ZNF536: variants seen among roughly 807,000 people sequenced by gnomAD.
ZNF536 encodes the protein zinc finger protein 536.
ZNF536 carries 13 observed loss-of-function variants against 84.5 expected under a neutral mutation model. The observed-to-expected ratio is 0.15, with a 90% CI of 0.10 to 0.24. The LOEUF (loss-of-function observed/expected upper bound fraction) is 0.24, where lower values mean the gene tolerates loss of function less well. Among genes scored for constraint, ZNF536 ranks in the 10% least tolerant of loss-of-function variants. ZNF536 has a pLI of 1.00. For synonymous variants in ZNF536, 811 were observed against 742.5 expected, an observed-to-expected ratio of 1.09 and a Z score of -1.50; for missense variants, 1,536 against 1,747.5, an observed-to-expected ratio of 0.88 and a Z score of 2.16.
chr19:30,484,877 C>T (rs555692205), intron 2 of ZNF536, among the ~76,000 whole-genome samples: 38 of 152,092 alleles, frequency 2.5e-4, no homozygotes, highest in African/African-American at 8.7e-4. Context: ...GGCGCGGTGG[C>T]TCACGCCTGT....
At chr19:30,602,072 A>T (rs1213897919) in intron 1 of ZNF536, among the ~76,000 whole-genome samples, 1 of 152,230 alleles carries the variant, frequency 6.6e-6, no homozygotes, top group Non-Finnish European at 1.5e-5. Context: ...GAAAAGCTTC[A>T]GTCCACCCAT....
At chr19:30,524,120 C>A (rs10409973) in intron 2 of ZNF536, among the ~76,000 whole-genome samples, 10 of 152,162 alleles carry the variant, frequency 6.6e-5, no homozygotes, top group Non-Finnish European at 8.8e-5. Context: ...CTCCATGCCG[C>A]CCTAATAGAT....
chr19:30,402,322 T>A (rs112451392), intron 1 of ZNF536, among the ~76,000 whole-genome samples: 5 of 151,816 alleles, frequency 3.3e-5, no homozygotes, highest in African/African-American at 1.2e-4. Flanking sequence ...AGCAATATAG[T>A]GGAGGGGAAA....
intron 2 of ZNF536, among the ~76,000 whole-genome samples, chr19:30,507,386 G>A (rs929748038): frequency 1.9e-4 from 29 of 151,974 alleles, no homozygotes; most frequent in Admixed American, 1.8e-3. Flanking sequence ...AAAAAACTGG[G>A]AAACTTGAGC....
intron 1 of ZNF536, among the ~76,000 whole-genome samples, chr19:30,283,337 C>T (rs1017343353): frequency 6.6e-6 from 1 of 152,158 alleles, no homozygotes. Flanking sequence ...TACCCCCTAG[C>T]CAGCAGCTCT....
At chr19:30,513,031 A>AT (rs60036567) in intron 2 of ZNF536, among the ~76,000 whole-genome samples, 17 of 151,526 alleles carry the variant, frequency 1.1e-4, no homozygotes, top group Non-Finnish European at 1.3e-4. Context: ...ATCATATTTT[A>AT]TTTTTTTTTC....
At position 30,509,413 on chromosome 19, in the gene ZNF536, T is replaced by C. The variant is rs1199668056; in HGVS notation, c.2171-25434T>C. Among the ~76,000 whole-genome samples, 6 of 147,202 alleles carry C rather than the reference T, an allele frequency of 4.1e-5. No individual in the cohort carries two copies. The East Asian group carries it at 1.2e-3, about 29-fold the overall frequency. On this transcript the variant is annotated intron_variant, in intron 2 of 4. Transcript: ENST00000355537. ...TCTTATACATACATAATTATATGTATAACATATTATAATATATAATGTATG... is the reference window on the plus strand; with the variant it reads ...TCTTATACATACATAATTATATGTACAACATATTATAATATATAATGTATG...
intron 3 of ZNF536, among the ~76,000 whole-genome samples, chr19:30,359,023 C>G (rs963702540): frequency 2.6e-5 from 4 of 152,154 alleles, no homozygotes; most frequent in African/African-American, 4.8e-5. Flanking sequence ...GCCGGCCCAT[C>G]AAAAGGGACC....
At chr19:30,239,221 C>T (rs2023761149) in intron 1 of ZNF536, among the ~76,000 whole-genome samples, 1 of 152,198 alleles carries the variant, frequency 6.6e-6, no homozygotes, top group South Asian at 2.1e-4. Context: ...CTGTCAATGA[C>T]CCTCTAGCAT....
chr19:30,226,673 GAAATAAAT>G (rs891616019), upstream of ZNF536, among the ~76,000 whole-genome samples: 2 of 152,116 alleles, frequency 1.3e-5, no homozygotes, highest in Non-Finnish European at 1.5e-5. The surrounding 1 kb of genome is among the most constrained non-coding windows in gnomAD (Gnocchi z 4.6). Flanking sequence ...GGCCAAAGAG[GAAATAAAT>G]AAATAAATAA....
intron 2 of ZNF536, among the ~76,000 whole-genome samples, chr19:30,337,128 T>C (rs1169199408): frequency 6.6e-6 from 1 of 152,106 alleles, no homozygotes; most frequent in Admixed American, 6.5e-5. Flanking sequence ...ACCCCGGAGT[T>C]AGTCACTTTC....
At chr19:30,325,256 A>G (rs1600226363) in intron 2 of ZNF536, among the ~76,000 whole-genome samples, 1 of 152,142 alleles carries the variant, frequency 6.6e-6, no homozygotes, top group South Asian at 2.1e-4. Flanking sequence ...CTCTAGTTAG[A>G]GGCGATTTGC....
intron 2 of ZNF536, among the ~76,000 whole-genome samples, chr19:30,469,260 A>G (rs1214747347): frequency 6.6e-6 from 1 of 152,096 alleles, no homozygotes. Context: ...TAAAAGCACA[A>G]AAAATTAGCC....
chr19:30,397,839 G>A (rs1045992564), intron 1 of ZNF536, among the ~76,000 whole-genome samples: 20 of 152,302 alleles, frequency 1.3e-4, no homozygotes, highest in African/African-American at 4.6e-4. Context: ...ATAGGCATGA[G>A]AGAGATAGAA....
intron 1 of ZNF536, among the ~76,000 whole-genome samples, chr19:30,423,847 G>A (rs1336034121): frequency 6.6e-6 from 1 of 152,136 alleles, no homozygotes; most frequent in East Asian, 1.9e-4. Flanking sequence ...AGGGAGGTGG[G>A]GGCAGGTGGG....
At chr19:30,662,144 C>T (rs375291964) in intron 1 of ZNF536, among the ~76,000 whole-genome samples, 42 of 152,292 alleles carry the variant, frequency 2.8e-4, no homozygotes, top group Middle Eastern at 3.4e-3. Flanking sequence ...TTCTGCCTCC[C>T]GGCTCCCGGA....
intron 1 of ZNF536, among the ~76,000 whole-genome samples, chr19:30,693,256 C>T (rs2051495247): frequency 6.6e-6 from 1 of 152,210 alleles, no homozygotes; most frequent in African/African-American, 2.4e-5. Context: ...GTGCCCTTAT[C>T]CCTGCTGAAG....
chr19:30,503,468 A>G (rs1599610892), intron 2 of ZNF536, among the ~76,000 whole-genome samples: 1 of 152,380 alleles, frequency 6.6e-6, no homozygotes, highest in East Asian at 1.9e-4. Context: ...AAAAATGCCC[A>G]TGACATATTG....
At chr19:30,354,185 A>G (rs1418512172) in intron 3 of ZNF536, among the ~76,000 whole-genome samples, 1 of 141,636 alleles carries the variant, frequency 7.1e-6, no homozygotes, top group Admixed American at 6.9e-5. Context: ...CTGTAGAATA[A>G]ACAGTAGCTC....
Sources: allele counts gnomAD v4.1 joint callset (sites outside exome capture counted in the v4.1 genomes callset), GRCh38; gene constraint gnomAD v4.1.1; non-coding constraint Gnocchi (gnomAD v3.1); transcripts MANE v1.5; gene names NCBI Gene and HGNC (gene_info 2026-07-23, HGNC 2026-07-21).